The following SLC24A3 variants were observed in gnomAD, a reference collection of about 807,000 sequenced individuals.
SLC24A3 encodes sodium/potassium/calcium exchanger 3.
In SLC24A3, 28 loss-of-function variants were observed where a neutral mutation model predicts 75.8. That is an observed-to-expected ratio of 0.37 (90% confidence interval 0.27 to 0.51). SLC24A3 has a LOEUF of 0.51. Ranked by LOEUF, SLC24A3 falls within the 20% of genes least tolerant of loss-of-function variation. The pLI, the probability that SLC24A3 is intolerant of heterozygous loss-of-function variation, is 0.94. For synonymous variants in SLC24A3, 372 were observed against 334.1 expected, an observed-to-expected ratio of 1.11 and a Z score of -1.24; for missense variants, 663 against 847.8, an observed-to-expected ratio of 0.78 and a Z score of 2.71.
At chr20:19,596,967 G>A (rs2031460105) in intron 6 of SLC24A3, among the ~76,000 whole-genome samples, 2 of 152,210 alleles carry the variant, frequency 1.3e-5, no homozygotes, top group South Asian at 4.1e-4. Flanking sequence ...ACTCTGCTAG[G>A]CTGCAATATC....
intron 2 of SLC24A3, among the ~76,000 whole-genome samples, chr20:19,306,234 G>C (rs967028127): frequency 2.0e-5 from 3 of 152,290 alleles, no homozygotes; most frequent in East Asian, 1.9e-4. Flanking sequence ...ATAGATGTTG[G>C]CAAAGTTGTA....
At chr20:19,295,817 TTTG>T (rs1021224763) in intron 2 of SLC24A3, among the ~76,000 whole-genome samples, 3 of 152,076 alleles carry the variant, frequency 2.0e-5, no homozygotes, top group African/African-American at 7.2e-5. Context: ...AGTTTTTTTT[TTTG>T]TTGTTGTTGT....
chr20:19,445,172 C>T (rs774267424), intron 2 of SLC24A3, among the ~76,000 whole-genome samples: 2 of 152,128 alleles, frequency 1.3e-5, no homozygotes, highest in Non-Finnish European at 2.9e-5. Flanking sequence ...ATCTTGGCTT[C>T]CACCATCATT....
intron 2 of SLC24A3, among the ~76,000 whole-genome samples, chr20:19,458,862 G>T (rs1428220611): frequency 6.6e-6 from 1 of 152,184 alleles, no homozygotes; most frequent in Non-Finnish European, 1.5e-5. Flanking sequence ...AGCAGAAAAA[G>T]TGATTTTTTA....
chr20:19,411,077 C>T (rs76695442), intron 2 of SLC24A3, among the ~76,000 whole-genome samples: 6,894 of 152,228 alleles, frequency 0.045, 534 homozygotes, highest in African/African-American at 0.16. Context: ...GGTGATGTTC[C>T]CCTCTGCCAT....
At chr20:19,423,723 GC>G (rs1986954178) in intron 2 of SLC24A3, among the ~76,000 whole-genome samples, 1 of 152,162 alleles carries the variant, frequency 6.6e-6, no homozygotes, top group Non-Finnish European at 1.5e-5. Context: ...TCCCTGCCCA[GC>G]CCCCACAGTA....
At chr20:19,531,070 C>T (rs1342978657) in intron 3 of SLC24A3, among the ~76,000 whole-genome samples, 2 of 152,170 alleles carry the variant, frequency 1.3e-5, no homozygotes, top group South Asian at 2.1e-4. Flanking sequence ...TCAGCCTATC[C>T]GTGTGCTGTA....
intron 2 of SLC24A3, among the ~76,000 whole-genome samples, chr20:19,363,651 G>A (rs6046021): frequency 0.022 from 3,339 of 152,292 alleles, 101 homozygotes; most frequent in African/African-American, 0.074. Flanking sequence ...GAGAGACGCT[G>A]TGGCCAAAGA....
At chr20:19,412,649 C>G (rs1244559599) in intron 2 of SLC24A3, among the ~76,000 whole-genome samples, 2 of 151,984 alleles carry the variant, frequency 1.3e-5, no homozygotes, top group South Asian at 4.2e-4. Flanking sequence ...GGAGGAGCAC[C>G]TGAAGGCAGC....
At chr20:19,257,987 C>T (rs1982866799) in intron 1 of SLC24A3, among the ~76,000 whole-genome samples, 1 of 152,184 alleles carries the variant, frequency 6.6e-6, no homozygotes, top group Admixed American at 6.5e-5. Flanking sequence ...ATCACTGTGC[C>T]CAGCTCACCT....
intron 12 of SLC24A3, among the ~76,000 whole-genome samples, chr20:19,692,375 CAA>C (rs2032754306): frequency 6.6e-6 from 1 of 152,160 alleles, no homozygotes; most frequent in Non-Finnish European, 1.5e-5. Context: ...TGGCAACAAA[CAA>C]ATGCTCACCC....
chr20:19,336,489 G>A (rs533464907), intron 2 of SLC24A3, among the ~76,000 whole-genome samples: 14 of 152,202 alleles, frequency 9.2e-5, no homozygotes, highest in Admixed American at 4.6e-4. Flanking sequence ...GGGTTCAAGC[G>A]ATTCTCATCC....
At chr20:19,219,992 G>A (rs970903214) in intron 1 of SLC24A3, among the ~76,000 whole-genome samples, 4 of 152,186 alleles carry the variant, frequency 2.6e-5, no homozygotes, top group African/African-American at 9.7e-5. Context: ...TGTAGAAAGG[G>A]AGGTGGGTGG....
chr20:19,679,501 C>CGGAGAGGGAGACGGTGG (rs2032581840), intron 9 of SLC24A3, among the ~76,000 whole-genome samples: 2 of 107,118 alleles, frequency 1.9e-5, no homozygotes, highest in Non-Finnish European at 4.0e-5. Flanking sequence ...TGGAAAGAGA[C>CGGAGAGGGAGACGGTGG]GGAGAGGGAG....
chr20:19,308,291 A>T (rs1474143783), intron 2 of SLC24A3, among the ~76,000 whole-genome samples: 1 of 152,236 alleles, frequency 6.6e-6, no homozygotes. Flanking sequence ...CTTGACTTTT[A>T]GTTTCTTCAC....
chr20:19,672,887 A>G (rs1233374204), intron 8 of SLC24A3, among the ~76,000 whole-genome samples: 1 of 152,224 alleles, frequency 6.6e-6, no homozygotes, highest in Non-Finnish European at 1.5e-5. Context: ...ACCATTCTCC[A>G]GTAACCTACC....
intron 6 of SLC24A3, among the ~76,000 whole-genome samples, chr20:19,588,382 G>A (rs2031328957): frequency 6.6e-6 from 1 of 152,190 alleles, no homozygotes; most frequent in African/African-American, 2.4e-5. Context: ...TCAGCATGGA[G>A]GGTTGCACAT....
chr20:19,213,149 C>A, intron 1 of SLC24A3, 165 bp downstream of exon 1: 1 of 742,000 alleles, frequency 1.3e-6, no homozygotes, highest in Non-Finnish European at 1.8e-6. Context: ...CCCCCTGCCC[C>A]ACGCAGAGGC....
intron 2 of SLC24A3, among the ~76,000 whole-genome samples, chr20:19,511,011 C>T (rs954525841): frequency 6.6e-6 from 1 of 152,198 alleles, no homozygotes; most frequent in African/African-American, 2.4e-5. Flanking sequence ...GCCTTTGGGA[C>T]AGCCCTAAAC....
Sources: allele counts gnomAD v4.1 joint callset (sites outside exome capture counted in the v4.1 genomes callset), GRCh38; gene constraint gnomAD v4.1.1; transcripts MANE v1.5; gene names NCBI Gene and HGNC (gene_info 2026-07-23, HGNC 2026-07-21).